The following CD28 variants were observed in gnomAD, a reference collection of about 807,000 sequenced individuals.
CD28 encodes T-cell-specific surface glycoprotein CD28.
CD28 carries 8 observed loss-of-function variants against 21.4 expected under a neutral mutation model. The observed-to-expected ratio is 0.37, with a 90% CI of 0.22 to 0.68. The LOEUF (loss-of-function observed/expected upper bound fraction) is 0.68, where lower values mean the gene tolerates loss of function less well. Among genes scored for constraint, CD28 ranks in the 30% least tolerant of loss-of-function variants. The pLI is 0.55. For missense variants in CD28, 239 were observed against 272.2 expected, an observed-to-expected ratio of 0.88 and a Z score of 0.86; for synonymous variants, 106 against 104.0, an observed-to-expected ratio of 1.02 and a Z score of -0.12.
At chr2:203,725,489 G>GGA (rs1559554833) in intron 1 of CD28, among the ~76,000 whole-genome samples, 1 of 133,050 alleles carries the variant, frequency 7.5e-6, no homozygotes, top group African/African-American at 2.9e-5. Flanking sequence ...CATTAGAAAA[G>GGA]AAAAAAAAAA....
chr2:203,725,845 AT>A (rs144435905), intron 1 of CD28, among the ~76,000 whole-genome samples: 20,377 of 152,250 alleles, frequency 0.13, 1,631 homozygotes, highest in Middle Eastern at 0.19. Context: ...GCAATGGGCA[AT>A]AAACAAAGTA....
chr2:203,733,054 C>T (rs1005739279), intron 3 of CD28, among the ~76,000 whole-genome samples: 1 of 152,186 alleles, frequency 6.6e-6, no homozygotes, highest in African/African-American at 2.4e-5. Flanking sequence ...GGAGTAAGTA[C>T]TAAAAATGCT....
At chr2:203,724,786 T>G (rs924218461) in intron 1 of CD28, among the ~76,000 whole-genome samples, 4 of 152,186 alleles carry the variant, frequency 2.6e-5, no homozygotes, top group Non-Finnish European at 4.4e-5. Context: ...GTATATGAAT[T>G]CAAATTCAGT....
chr2:203,722,184 A>C (rs967000218), intron 1 of CD28, among the ~76,000 whole-genome samples: 1 of 152,196 alleles, frequency 6.6e-6, no homozygotes, highest in African/African-American at 2.4e-5. Flanking sequence ...GGCGGTGAGC[A>C]AGCAGAATAC....
chr2:203,728,767 C>A (rs897096772), intron 2 of CD28, among the ~76,000 whole-genome samples: 1 of 152,052 alleles, frequency 6.6e-6, no homozygotes, highest in African/African-American at 2.4e-5. Context: ...AGGCATGCTA[C>A]TTTAGGATAG....
intron 1 of CD28, among the ~76,000 whole-genome samples, chr2:203,710,311 CA>C (rs1693277919): frequency 6.6e-6 from 1 of 152,214 alleles, no homozygotes; most frequent in African/African-American, 2.4e-5. Flanking sequence ...CCCTAGTTAA[CA>C]CATTGTGTTT....
rs762878963 is a variant in CD28, at chr2:203,727,430, T to TTTCCTTCCTTCCTTCCTTCCTTCCTTCC, written c.409+452_409+479dup. 5.3e-3 allele frequency among the ~76,000 whole-genome samples: 524 copies of TTTCCTTCCTTCCTTCCTTCCTTCCTTCC among 98,824 alleles called. 2 individuals carry two copies. The highest frequency in any genetic ancestry group is 0.015 in the African/African-American group (372 of 24,450). The allele number at this position is 98,824 out of a possible 152,430, so 64.8% of individuals were successfully genotyped here. Reference sequence around the variant, plus strand: ...TGTAAAAGTACCTTTCCATTTTCTTTTTCCTTCCTTCCTTCCTTCCTTCCT... The same window carrying TTTCCTTCCTTCCTTCCTTCCTTCCTTCC: ...TGTAAAAGTACCTTTCCATTTTCTTTTTCCTTCCTTCCTTCCTTCCTTCCTTCCTTCCTTCCTTCCTTCCTTCCTTCCT... On this transcript the variant is annotated intron_variant, in intron 2 of 3. Coordinates refer to ENST00000324106, the MANE Select transcript of CD28 (RefSeq NM_006139.4).
At chr2:203,719,763 C>T (rs1373314960) in intron 1 of CD28, among the ~76,000 whole-genome samples, 2 of 152,054 alleles carry the variant, frequency 1.3e-5, no homozygotes, top group Non-Finnish European at 1.5e-5. Flanking sequence ...GAATGTAAGC[C>T]ATAGATACTA....
At chr2:203,712,088 A>T (rs886602266) in intron 1 of CD28, among the ~76,000 whole-genome samples, 1 of 152,122 alleles carries the variant, frequency 6.6e-6, no homozygotes, top group African/African-American at 2.4e-5. Context: ...GCTACTGGGG[A>T]GGCTGAGGTA....
chr2:203,735,220 C>T lies in CD28; in HGVS notation c.*308C>T, dbSNP rs200956048. 4.2e-4 allele frequency: 138 copies of T among 330,134 alleles called. No individual in the cohort carries two copies. Among genetic ancestry groups the T allele is most frequent in the African/African-American group, 2.9e-3 (135 of 46,298 alleles). 20.5% of individuals were successfully genotyped at this position (330,134 alleles called of 1,614,324 possible). A position where few individuals can be genotyped will look rare whatever the true frequency, so the allele number is the denominator to read the frequency against. ...ACAAAAAGGGAGTGGATTCTGGGAG[C>T]CTCTTCCCTTTCTCACTCACCTGCA... On this transcript the variant is annotated 3_prime_UTR_variant, in exon 4 of 4. Transcript: ENST00000324106.
intron 1 of CD28, among the ~76,000 whole-genome samples, chr2:203,718,112 G>A (rs936627889): frequency 1.1e-4 from 17 of 152,150 alleles, no homozygotes; most frequent in African/African-American, 4.1e-4. Flanking sequence ...ACAGTCTGGT[G>A]AATGTTTTGT....
intron 1 of CD28, among the ~76,000 whole-genome samples, chr2:203,714,321 C>T (rs1693403849): frequency 6.6e-6 from 1 of 152,132 alleles, no homozygotes; most frequent in Non-Finnish European, 1.5e-5. Flanking sequence ...GGCTTGACCT[C>T]AGCTCACGGC....
chr2:203,726,672 C>G lies in CD28; in HGVS notation c.92C>G (p.Ala31Gly). The G allele has an allele frequency of 6.2e-7, 1 of 1,613,986 alleles. No individual in the cohort carries two copies. Among genetic ancestry groups the G allele is most frequent in the South Asian group, 1.1e-5 (1 of 91,064 alleles). Residue 31 changes from alanine to glycine, a missense_variant, in exon 2 of 4, where the codon GCG (alanine) becomes GGG (glycine). By Grantham distance (60) the Ala-to-Gly change is moderately conservative (BLOSUM62 0). This residue lies in a region of CD28 where 104 missense variants were observed against 108.5 expected (regional missense o/e 0.96). Coordinates refer to ENST00000324106, the MANE Select transcript of CD28 (RefSeq NM_006139.4). ...GTGAAGCAGTCGCCCATGCTTGTAG[C>G]GTACGACAATGCGGTCAACCTTAGC... ...ILVKQSPMLV[A>G]YDNAVNLSCK...
chr2:203,720,450 A>G (rs185680267), intron 1 of CD28, among the ~76,000 whole-genome samples: 2 of 152,350 alleles, frequency 1.3e-5, no homozygotes, highest in East Asian at 3.9e-4. Context: ...CACTCACAAG[A>G]AGTAAAATCA....
chr2:203,706,865 C>A, intron 1 of CD28, 117 bp downstream of exon 1: 1 of 769,526 alleles, frequency 1.3e-6, no homozygotes, highest in Non-Finnish European at 2.2e-6. Flanking sequence ...TGTAGTTTTG[C>A]TGTAATAGGG....
At chr2:203,726,415 A>G (rs112398921) in intron 1 of CD28, among the ~76,000 whole-genome samples, 1 of 152,176 alleles carries the variant, frequency 6.6e-6, no homozygotes, top group African/African-American at 2.4e-5. Context: ...GGGTGAAAAC[A>G]TGCTCCATTG....
chr2:203,729,668 C>A lies in CD28; in HGVS notation c.430C>A (p.Pro144Thr), dbSNP rs199781686. The change falls in exon 3 of 4, where the codon CCC (proline) becomes ACC (threonine). Residue 144 changes from proline (P) to threonine (T), a missense_variant. Pro to Thr is a conservative substitution (Grantham distance 38, BLOSUM62 -1). Transcript: ENST00000324106. ...HVKGKHLCPS[P>T]LFPGPSKPFW... is the part of the protein sequence containing the mutation. ...TTCAGGGAAACACCTTTGTCCAAGT[C>A]CCCTATTTCCCGGACCTTCTAAGCC... 6.2e-7 allele frequency: 1 copy of A among 1,613,924 alleles called. No homozygotes were observed. Among genetic ancestry groups the A allele is most frequent in the Non-Finnish European group, 8.5e-7 (1 of 1,179,822 alleles).
intron 3 of CD28, among the ~76,000 whole-genome samples, chr2:203,731,987 C>T (rs1214780525): frequency 6.6e-6 from 1 of 152,118 alleles, no homozygotes; most frequent in Non-Finnish European, 1.5e-5. Context: ...ACAAGTTTGT[C>T]TATATTTCGT....
At chr2:203,728,778 T>G (rs1693815729) in intron 2 of CD28, among the ~76,000 whole-genome samples, 1 of 152,184 alleles carries the variant, frequency 6.6e-6, no homozygotes, top group Non-Finnish European at 1.5e-5. Flanking sequence ...TTTAGGATAG[T>G]ATTTTATATA....
Sources: gnomAD v4.1 joint callset for allele counts (sites outside exome capture counted in the v4.1 genomes callset) on GRCh38, gnomAD v4.1.1 for gene constraint, gnomAD v4.1.1 regional missense constraint, MANE v1.5 for transcripts, NCBI Gene and HGNC (gene_info 2026-07-23, HGNC 2026-07-21) for gene names.